Variants in CEP164 observed in about 807,000 individuals in gnomAD.
The protein encoded by CEP164 is centrosomal protein 164, also known as centrosomal protein of 164 kDa.
A neutral mutation model predicts 182.7 loss-of-function variants in CEP164; 162 were observed. The observed-to-expected ratio is 0.89, with a 90% confidence interval of 0.78 to 1.01. The LOEUF (loss-of-function observed/expected upper bound fraction) is 1.01, where lower values mean the gene tolerates loss of function less well. CEP164 is among the 50% of genes least tolerant of loss of function. The probability of loss-of-function intolerance (pLI) is 0.00; values close to 1 mark genes in which losing one functional copy is unlikely to be tolerated. For synonymous variants in CEP164, 661 were observed against 690.0 expected (o/e 0.96, Z 0.66); for missense variants, 1,735 against 1,790.4 (o/e 0.97, Z 0.56).
intron 28 of CEP164, 191 bp from the exon 29 acceptor site, chr11:117,408,699 T>C: frequency 4.2e-6 from 3 of 714,200 alleles, no homozygotes. Context: ...ACCTTGAATT[T>C]GTAGCAACAA....
In CEP164 at chr11:117,350,686, A is replaced by G. The variant is rs182307259; in HGVS notation, c.195-1104A>G. On this transcript the variant is annotated intron_variant, in intron 4 of 32. Coordinates refer to ENST00000278935, the MANE Select transcript of CEP164 (RefSeq NM_014956.5). ...TCATAAGGAGCTTGATTGAAATTGT[A>G]TTGGATTTATATATTAATTTTGGGA... is the stretch of plus-strand genomic sequence containing the variant. 7.7e-4 allele frequency among the ~76,000 whole-genome samples: 117 copies of G among 152,216 alleles called. 1 individual carries two copies. Among genetic ancestry groups the G allele is most frequent in the Admixed American group, 7.0e-3 (107 of 15,292 alleles).
upstream of CEP164, among the ~76,000 whole-genome samples, chr11:117,327,246 T>C (rs1003139667): frequency 1.7e-4 from 26 of 151,834 alleles, no homozygotes; most frequent in African/African-American, 6.3e-4. Context: ...AGATGGGGAG[T>C]GGACGCGTCT....
chr11:117,327,393 G>A (rs1187800212), upstream of CEP164, among the ~76,000 whole-genome samples: 1 of 150,756 alleles, frequency 6.6e-6, no homozygotes, highest in East Asian at 2.0e-4. Flanking sequence ...ATTCACATTA[G>A]TATAAATACT....
chr11:117,380,762 G>A (rs757367472), intron 12 of CEP164, 57 bp downstream of exon 12: 2 of 1,507,784 alleles, frequency 1.3e-6, no homozygotes, highest in South Asian at 2.4e-5. Flanking sequence ...TGTGGACTTG[G>A]GCAGAATTCT....
Position 117,361,824 on chromosome 11 carries a change from C to G in CEP164, c.394-11C>G. Reference sequence around the variant, plus strand: ...TTCTTGAGTTGTAACAAGATGTTTTCTGTTGCACAGGCCTTGGGTTCCTCA... The same window carrying G: ...TTCTTGAGTTGTAACAAGATGTTTTGTGTTGCACAGGCCTTGGGTTCCTCA... On this transcript the variant is annotated splice_polypyrimidine_tract_variant and intron_variant, in intron 5 of 32. Transcript: ENST00000278935. 1 of 1,614,202 alleles carries G rather than the reference C, an allele frequency of 6.2e-7. No homozygotes were observed. The highest frequency in any genetic ancestry group is 8.5e-7 in the Non-Finnish European group (1 of 1,180,034).
At chr11:117,348,651 A>T (rs2039259243) in intron 4 of CEP164, among the ~76,000 whole-genome samples, 1 of 152,140 alleles carries the variant, frequency 6.6e-6, no homozygotes, top group Admixed American at 6.6e-5. Context: ...ATAACATGAA[A>T]TTTACCATTT....
At chr11:117,333,906 A>G (rs2036612497) in intron 1 of CEP164, among the ~76,000 whole-genome samples, 1 of 151,980 alleles carries the variant, frequency 6.6e-6, no homozygotes, top group South Asian at 2.1e-4. Flanking sequence ...ATCCTATCCA[A>G]CTGTGCTGCT....
chr11:117,386,959 A>G, intron 14 of CEP164: 1 of 506,386 alleles, frequency 2.0e-6, no homozygotes, highest in Non-Finnish European at 3.5e-6. Context: ...AAGTCTGCTG[A>G]GAGCCTGCTA....
At chr11:117,325,144 G>C (rs901925048), upstream of CEP164, among the ~76,000 whole-genome samples, 1 of 151,966 alleles carries the variant, frequency 6.6e-6, no homozygotes, top group Non-Finnish European at 1.5e-5. Flanking sequence ...GAGTGCGGTG[G>C]CGTGATCTTG....
chr11:117,360,786 A>G (rs1421592711), intron 5 of CEP164, among the ~76,000 whole-genome samples: 1 of 152,188 alleles, frequency 6.6e-6, no homozygotes, highest in Non-Finnish European at 1.5e-5. Flanking sequence ...AAAGGCAACC[A>G]TTCTGTTGTG....
intron 9 of CEP164, among the ~76,000 whole-genome samples, chr11:117,371,735 G>T (rs1286657719): frequency 6.6e-6 from 1 of 151,682 alleles, no homozygotes; most frequent in Non-Finnish European, 1.5e-5. Flanking sequence ...CACCCTCCTG[G>T]AATGTTCATT....
chr11:117,355,349 C>T (rs1274971947), intron 5 of CEP164: 5 of 1,289,810 alleles, frequency 3.9e-6, no homozygotes, highest in Admixed American at 2.3e-5. Context: ...ACTGGGCACT[C>T]CAGCCCCTCA....
intron 11 of CEP164, 81 bp from the exon 12 acceptor site, chr11:117,380,533 A>C (rs1297295552): frequency 3.8e-5 from 44 of 1,165,058 alleles, no homozygotes; most frequent in Non-Finnish European, 5.1e-5. Context: ...GCTTTCGTCT[A>C]AGCTTGAGAG....
chr11:117,353,583 C>G (rs1398394652), intron 5 of CEP164, among the ~76,000 whole-genome samples: 1 of 152,132 alleles, frequency 6.6e-6, no homozygotes, highest in East Asian at 1.9e-4. Flanking sequence ...TTAGAGCCCT[C>G]TGTTAAAAAG....
intron 1 of CEP164, among the ~76,000 whole-genome samples, chr11:117,329,981 G>T (rs1238071358): frequency 6.6e-6 from 1 of 151,516 alleles, no homozygotes; most frequent in East Asian, 1.9e-4. Flanking sequence ...CATAGGAAGT[G>T]TTCAGTGGCT....
upstream of CEP164, among the ~76,000 whole-genome samples, chr11:117,324,399 A>T (rs1381225513): frequency 6.6e-6 from 1 of 150,892 alleles, no homozygotes; most frequent in African/African-American, 2.4e-5. Context: ...GTGAGCTGAG[A>T]TTGCACCACT....
intron 11 of CEP164, 127 bp from the exon 12 acceptor site, chr11:117,380,487 C>G (rs989159753): frequency 1.4e-6 from 1 of 712,800 alleles, no homozygotes; most frequent in African/African-American, 1.8e-5. Context: ...TTCTACGTCC[C>G]GTATGGTCCC....
chr11:117,372,116 T>TTTTG (rs2042263208), intron 9 of CEP164, among the ~76,000 whole-genome samples: 1 of 149,646 alleles, frequency 6.7e-6, no homozygotes, highest in South Asian at 2.1e-4. Context: ...GTATTTTTTT[T>TTTTG]TTTTTTTTTA....
intron 5 of CEP164, among the ~76,000 whole-genome samples, chr11:117,360,961 G>A (rs189699150): frequency 5.0e-5 from 7 of 140,300 alleles, no homozygotes; most frequent in African/African-American, 1.9e-4. Context: ...TTGAGACAGA[G>A]TCTCGCTCTG....
Sources: allele counts gnomAD v4.1 joint callset (sites outside exome capture counted in the v4.1 genomes callset), GRCh38; gene constraint gnomAD v4.1.1; transcripts MANE v1.5; gene names NCBI Gene and HGNC (gene_info 2026-07-23, HGNC 2026-07-21).